Variants in NUP155 observed in about 807,000 individuals in gnomAD.
NUP155 encodes nuclear pore complex protein Nup155.
A neutral mutation model predicts 180.4 loss-of-function variants in NUP155; 71 were observed. The ratio of observed to expected loss-of-function variants is 0.39; its 90% CI spans 0.33 to 0.48. The LOEUF (loss-of-function observed/expected upper bound fraction) is 0.48. Ranked by LOEUF, NUP155 falls within the 20% of genes least tolerant of loss-of-function variation. The pLI is 0.91. For synonymous variants in NUP155, 582 were observed against 559.5 expected, an observed-to-expected ratio of 1.04 and a Z score of -0.57; for missense variants, 1,553 against 1,648.9, an observed-to-expected ratio of 0.94 and a Z score of 1.01.
At chr5:37,340,636 G>C (rs563730375) in intron 11 of NUP155, among the ~76,000 whole-genome samples, 1 of 152,076 alleles carries the variant, frequency 6.6e-6, no homozygotes, top group Non-Finnish European at 1.5e-5. Context: ...CAATTCAATG[G>C]GGGATATAAT....
chr5:37,299,469 A>C lies in NUP155; in HGVS notation c.3661T>G (p.Trp1221Gly). The C allele has an allele frequency of 6.2e-7, 1 of 1,614,158 alleles. No individual in the cohort carries two copies. The highest frequency in any genetic ancestry group is 8.5e-7 in the Non-Finnish European group (1 of 1,180,016). ...YSDPILVQTL[W>G]QDIIEKELSD... ...TTACCTTTCTCTATGATATCTTGCC[A>C]AAGTGTCTGCACCAATATAGGGTCT... Residue 1221 changes from tryptophan to glycine, a missense_variant, in exon 31 of 35, where the codon TGG becomes GGG. Transcript: ENST00000231498.
chr5:37,346,566 G>A (rs1247095415), intron 9 of NUP155, among the ~76,000 whole-genome samples: 1 of 152,028 alleles, frequency 6.6e-6, no homozygotes, highest in Non-Finnish European at 1.5e-5. Flanking sequence ...CAGCTACTCA[G>A]GAGGCTAAGG....
intron 1 of NUP155, among the ~76,000 whole-genome samples, chr5:37,364,700 A>G (rs997154645): frequency 1.3e-5 from 2 of 151,440 alleles, no homozygotes; most frequent in Non-Finnish European, 2.9e-5. Context: ...GCAGTGGCAC[A>G]ATCTCGGCTC....
At chr5:37,347,176 T>C (rs1224605993) in intron 9 of NUP155, among the ~76,000 whole-genome samples, 1 of 151,902 alleles carries the variant, frequency 6.6e-6, no homozygotes, top group Non-Finnish European at 1.5e-5. Flanking sequence ...TGCAGCAAGC[T>C]GAGATGGAGC....
At chr5:37,304,273 AGG>A (rs149716808) in intron 27 of NUP155, among the ~76,000 whole-genome samples, 2 of 82,658 alleles carry the variant, frequency 2.4e-5, no homozygotes, top group African/African-American at 1.2e-4. Context: ...AAAAAAAAAA[AGG>A]GAAATTTACT....
chr5:37,327,194 C>T (rs1744655407), intron 18 of NUP155: 1 of 199,544 alleles, frequency 5.0e-6, no homozygotes, highest in African/African-American at 2.4e-5. Context: ...CGAGACTCCC[C>T]CATACTCCTA....
In NUP155 at chr5:37,324,101, T is replaced by A; in HGVS notation, c.2098A>T (p.Ser700Cys). Residue 700 changes from serine (S) to cysteine (C), a missense_variant, in exon 20 of 35, where the codon AGT becomes TGT. Physicochemically the swap from Ser to Cys is moderately radical, Grantham distance 112. Transcript: ENST00000231498. ...SGNREITAIE[S>C]SVPCQLLESV... ...TCTAGCAGTTGGCAGGGAACACTAC[T>A]TTCAATCTGTAAAAATGAAAGATTT... The A allele has an allele frequency of 6.2e-7, 1 of 1,604,632 alleles. No homozygotes were observed. Among genetic ancestry groups the A allele is most frequent in the Non-Finnish European group, 8.5e-7 (1 of 1,171,472 alleles).
At chr5:37,304,624 T>A (rs1234541514) in intron 27 of NUP155, 115 bp downstream of exon 27, 6 of 768,154 alleles carry the variant, frequency 7.8e-6, no homozygotes, top group Non-Finnish European at 6.8e-6. Flanking sequence ...TATACTAACA[T>A]CTAATAGCAG....
chr5:37,324,167 T>G (rs949380541), intron 19 of NUP155, 60 bp from the exon 20 acceptor site: 1 of 963,208 alleles, frequency 1.0e-6, no homozygotes, highest in Non-Finnish European at 1.7e-6. Context: ...AGCTATAATA[T>G]AAACAATTTT....
At chr5:37,301,173 G>A (rs1742844623) in intron 30 of NUP155, 1 of 382,096 alleles carries the variant, frequency 2.6e-6, no homozygotes, top group Middle Eastern at 8.6e-4. Flanking sequence ...TGCCCAGGCT[G>A]GAAATAAGCT....
intron 3 of NUP155, among the ~76,000 whole-genome samples, chr5:37,358,715 C>T (rs1448156686): frequency 6.6e-6 from 1 of 151,970 alleles, no homozygotes; most frequent in East Asian, 1.9e-4. Flanking sequence ...TAAATTTAGA[C>T]ACAGAATATA....
At chr5:37,318,125 T>C (rs1375209833) in intron 20 of NUP155, 40 bp from the exon 21 acceptor site, 11 of 1,038,024 alleles carry the variant, frequency 1.1e-5, no homozygotes, top group Non-Finnish European at 1.7e-5. Flanking sequence ...TTATAACAGC[T>C]TTATTGAGAT....
At chr5:37,364,207 A>AT (rs1460593156) in intron 2 of NUP155, 40 bp downstream of exon 2, 1 of 1,489,060 alleles carries the variant, frequency 6.7e-7, no homozygotes, top group Admixed American at 1.7e-5. Context: ...AAAAATACCA[A>AT]TTTTAACATT....
At chr5:37,342,893 C>T (rs1156401520) in intron 9 of NUP155, among the ~76,000 whole-genome samples, 10 of 152,044 alleles carry the variant, frequency 6.6e-5, no homozygotes, top group Admixed American at 4.6e-4. Context: ...CGCGCCAGCA[C>T]GCCCAGGTAA....
At chr5:37,366,161 TG>T (rs1212614231) in intron 1 of NUP155, among the ~76,000 whole-genome samples, 1 of 152,038 alleles carries the variant, frequency 6.6e-6, no homozygotes, top group African/African-American at 2.4e-5. Flanking sequence ...AGGACAGGAG[TG>T]GGCTGGTCTA....
At chr5:37,306,358 T>C (rs568619719) in intron 25 of NUP155, among the ~76,000 whole-genome samples, 2 of 152,292 alleles carry the variant, frequency 1.3e-5, no homozygotes, top group South Asian at 2.1e-4. Context: ...CAGTGAGCTA[T>C]GATGGTGCCA....
At chr5:37,309,433 C>G in intron 23 of NUP155, 166 bp from the exon 24 acceptor site, 1 of 618,252 alleles carries the variant, frequency 1.6e-6, no homozygotes. Context: ...AAGTTTTTGA[C>G]CAAAGATTCC....
intron 23 of NUP155, among the ~76,000 whole-genome samples, chr5:37,310,223 T>C (rs1743440155): frequency 1.3e-5 from 2 of 152,026 alleles, no homozygotes; most frequent in Admixed American, 1.3e-4. Context: ...CCGTAGCCCC[T>C]AGCTACATGA....
intron 9 of NUP155, among the ~76,000 whole-genome samples, chr5:37,342,884 G>A (rs945543256): frequency 6.6e-6 from 1 of 151,062 alleles, no homozygotes; most frequent in Non-Finnish European, 1.5e-5. Flanking sequence ...TTACGGGCTC[G>A]CGCCAGCACG....
Sources: allele counts gnomAD v4.1 joint callset (sites outside exome capture counted in the v4.1 genomes callset), GRCh38; gene constraint gnomAD v4.1.1; transcripts MANE v1.5; gene names NCBI Gene and HGNC (gene_info 2026-07-23, HGNC 2026-07-21).